Variants in SGCG observed in about 807,000 individuals in gnomAD.
SGCG encodes the protein gamma-sarcoglycan.
SGCG carries 26 observed loss-of-function variants against 29.3 expected under a neutral mutation model. The ratio of observed to expected loss-of-function variants is 0.89; its 90% CI spans 0.65 to 1.23. The LOEUF is 1.23. Among genes scored for constraint, SGCG ranks in the 50% most tolerant of loss-of-function variants. The pLI is 0.00. For synonymous variants in SGCG, 145 were observed against 129.7 expected (o/e 1.12, Z -0.80); for missense variants, 353 against 356.0 (o/e 0.99, Z 0.07).
At chr13:23,207,765 G>A (rs1246342602) in intron 2 of SGCG, among the ~76,000 whole-genome samples, 4 of 152,100 alleles carry the variant, frequency 2.6e-5, no homozygotes, top group Admixed American at 2.6e-4. Context: ...CCTCACACCT[G>A]TCAAGATGGC....
chr13:23,290,454 G>T (rs1324424120), intron 5 of SGCG, among the ~76,000 whole-genome samples: 1 of 152,142 alleles, frequency 6.6e-6, no homozygotes, highest in Non-Finnish European at 1.5e-5. Flanking sequence ...TGTCAAGAGA[G>T]ACTATTTTCT....
intron 2 of SGCG, among the ~76,000 whole-genome samples, chr13:23,204,441 T>C (rs1424189555): frequency 6.6e-6 from 1 of 152,168 alleles, no homozygotes; most frequent in Non-Finnish European, 1.5e-5. Flanking sequence ...TAATATTTTG[T>C]GTACTTTTGA....
At chr13:23,273,228 A>G (rs1396615077) in intron 4 of SGCG, among the ~76,000 whole-genome samples, 1 of 149,784 alleles carries the variant, frequency 6.7e-6, no homozygotes, top group Non-Finnish European at 1.5e-5. Flanking sequence ...TGTGTTGCCC[A>G]GGCTTCAGTA....
At chr13:23,281,827 C>A (rs1881316269) in intron 5 of SGCG, among the ~76,000 whole-genome samples, 1 of 152,198 alleles carries the variant, frequency 6.6e-6, no homozygotes, top group Admixed American at 6.5e-5. Flanking sequence ...CTCGCTGGCC[C>A]ACTGCTCACC....
chr13:23,178,651 C>T (rs1273602152), upstream of SGCG, among the ~76,000 whole-genome samples: 1 of 152,156 alleles, frequency 6.6e-6, no homozygotes, highest in African/African-American at 2.4e-5. Context: ...CATTAAAATA[C>T]TCCGTTATTT....
chr13:23,186,251 T>A (rs1189839818), intron 1 of SGCG, among the ~76,000 whole-genome samples: 1 of 152,208 alleles, frequency 6.6e-6, no homozygotes, highest in Non-Finnish European at 1.5e-5. Context: ...CACACATGGC[T>A]GAGCATTTGC....
Position 23,209,208 on chromosome 13 carries a change from T to A in SGCG, c.195+5319T>A, listed in dbSNP as rs73437101. Among the ~76,000 whole-genome samples, 274 of 152,306 alleles carry A rather than the reference T, an allele frequency of 1.8e-3. 1 individual carries two copies. The highest frequency in any genetic ancestry group is 6.1e-3 in the African/African-American group (255 of 41,588). ...CTTCGTTGATAAGTATTGTTTGTTT[T>A]AATTTATTGTGGTAATAAGTTACAT... On this transcript the variant is annotated intron_variant, in intron 2 of 7. Coordinates refer to ENST00000218867, the MANE Select transcript of SGCG (RefSeq NM_000231.3).
intron 1 of SGCG, among the ~76,000 whole-genome samples, chr13:23,188,158 G>T (rs1469948404): frequency 6.6e-6 from 1 of 152,098 alleles, no homozygotes; most frequent in Non-Finnish European, 1.5e-5. Flanking sequence ...CCTTTACAGT[G>T]GTGGTAAGTG....
intron 3 of SGCG, among the ~76,000 whole-genome samples, chr13:23,241,720 A>G (rs1416662106): frequency 1.3e-5 from 2 of 152,224 alleles, no homozygotes; most frequent in African/African-American, 4.8e-5. Context: ...AAAATCCTCA[A>G]CAAAATACTA....
intron 2 of SGCG, among the ~76,000 whole-genome samples, chr13:23,232,829 T>C (rs189085815): frequency 2.6e-5 from 4 of 152,154 alleles, no homozygotes; most frequent in Admixed American, 1.3e-4. Context: ...ATCAGATATA[T>C]GGGTATGAAG....
intron 6 of SGCG, among the ~76,000 whole-genome samples, chr13:23,298,453 C>A (rs1027370344): frequency 6.6e-6 from 1 of 152,074 alleles, no homozygotes; most frequent in Non-Finnish European, 1.5e-5. Context: ...TATTTAATGT[C>A]CAATTAAATA....
intron 3 of SGCG, among the ~76,000 whole-genome samples, chr13:23,247,619 T>C (rs186394331): frequency 1.2e-4 from 19 of 152,182 alleles, no homozygotes; most frequent in Admixed American, 8.5e-4. Flanking sequence ...GATTTGTATA[T>C]TATATTCGTA....
intron 1 of SGCG, among the ~76,000 whole-genome samples, chr13:23,189,248 C>T (rs1053150238): frequency 1.3e-5 from 2 of 152,230 alleles, no homozygotes; most frequent in African/African-American, 4.8e-5. Flanking sequence ...GCGATCTCAG[C>T]TCACTGCAAC....
intron 4 of SGCG, among the ~76,000 whole-genome samples, chr13:23,264,190 C>G (rs968864723): frequency 6.6e-6 from 1 of 152,048 alleles, no homozygotes; most frequent in South Asian, 2.1e-4. Flanking sequence ...CCTACACACT[C>G]CTCCAGAAGA....
intron 2 of SGCG, among the ~76,000 whole-genome samples, chr13:23,223,923 G>A (rs1437344769): frequency 2.0e-5 from 3 of 152,074 alleles, no homozygotes; most frequent in Non-Finnish European, 1.5e-5. Flanking sequence ...CTGAGATCAC[G>A]CCATTGCATG....
the SGCG span, among the ~76,000 whole-genome samples, chr13:23,167,975 G>A: frequency 6.6e-6 from 1 of 152,118 alleles, no homozygotes; most frequent in African/African-American, 2.4e-5. Context: ...GACCTCAGAT[G>A]ATCCGTGTGC....
intron 4 of SGCG, among the ~76,000 whole-genome samples, chr13:23,251,299 T>C (rs1440827034): frequency 1.3e-5 from 2 of 152,212 alleles, no homozygotes; most frequent in African/African-American, 4.8e-5. Flanking sequence ...CAAAGTACTC[T>C]AATTAGCCCA....
Position 23,324,617 on chromosome 13 carries a change from GA to G in SGCG, c.*79del. 1 of 1,319,998 alleles carries G rather than the reference GA, an allele frequency of 7.6e-7. No homozygotes were observed. Among genetic ancestry groups the G allele is most frequent in the Non-Finnish European group, 1.1e-6 (1 of 929,040 alleles). The allele number at this position is 1,319,998 out of a possible 1,614,324, so 81.8% of individuals were successfully genotyped here. Reference sequence around the variant, plus strand: ...CACCCAGGGAGCAGCTGCACATCGTGAAAGACTGAGGCAGCGTGGATGGGAA... The same window carrying G: ...CACCCAGGGAGCAGCTGCACATCGTGAAGACTGAGGCAGCGTGGATGGGAA... On this transcript the variant is annotated 3_prime_UTR_variant, in exon 8 of 8. Transcript: ENST00000218867.
chr13:23,182,549 G>A (rs756217224), intron 1 of SGCG, among the ~76,000 whole-genome samples: 6 of 151,672 alleles, frequency 4.0e-5, no homozygotes, highest in African/African-American at 9.7e-5. Context: ...ATAGTTCTAC[G>A]ACGTTCTCAT....
Sources: gnomAD v4.1 joint callset for allele counts (sites outside exome capture counted in the v4.1 genomes callset) on GRCh38, gnomAD v4.1.1 for gene constraint, MANE v1.5 for transcripts, NCBI Gene and HGNC (gene_info 2026-07-23, HGNC 2026-07-21) for gene names.